Variants in TUSC7 observed in about 807,000 individuals in gnomAD.
The protein encoded by TUSC7 is tumor suppressor candidate 7.
chr3:116,716,001 A>T (rs188340850), intron 1 of TUSC7, among the ~76,000 whole-genome samples: 31 of 152,332 alleles, frequency 2.0e-4, no homozygotes, highest in Non-Finnish European at 3.7e-4. Context: ...TTTTGAAAAA[A>T]GTGCCCTGTG....
chr3:116,710,740 A>C (rs2107471011), intron 1 of TUSC7, among the ~76,000 whole-genome samples: 1 of 152,214 alleles, frequency 6.6e-6, no homozygotes, highest in Middle Eastern at 3.4e-3. Context: ...TTTAGGAGTA[A>C]ACCTTAGAGT....
intron 1 of TUSC7, among the ~76,000 whole-genome samples, chr3:116,714,437 T>C (rs2051488192): frequency 6.6e-6 from 1 of 152,234 alleles, no homozygotes; most frequent in Admixed American, 6.5e-5. Context: ...ATATAAGTTC[T>C]TGAGCAGTAC....
chr3:116,715,759 A>G (rs2051500001), intron 1 of TUSC7, among the ~76,000 whole-genome samples: 1 of 152,044 alleles, frequency 6.6e-6, no homozygotes, highest in African/African-American at 2.4e-5. Flanking sequence ...TTTTTTTCTC[A>G]GTCTGTGCCT....
intron 1 of TUSC7, among the ~76,000 whole-genome samples, chr3:116,714,355 A>G (rs1353838419): frequency 6.6e-6 from 1 of 152,196 alleles, no homozygotes; most frequent in East Asian, 1.9e-4. Flanking sequence ...CTGAAATTTT[A>G]TCATTAAAAC....
At chr3:116,712,195 T>G (rs2051467902) in intron 1 of TUSC7, among the ~76,000 whole-genome samples, 1 of 152,242 alleles carries the variant, frequency 6.6e-6, no homozygotes, top group African/African-American at 2.4e-5. Context: ...CTTATCTTAT[T>G]AAATGATGCA....
At chr3:116,714,981 C>A (rs559354689) in intron 1 of TUSC7, among the ~76,000 whole-genome samples, 1 of 152,288 alleles carries the variant, frequency 6.6e-6, no homozygotes, top group African/African-American at 2.4e-5. Flanking sequence ...CCTCTGTGTT[C>A]TGCATATTCA....
chr3:116,712,020 A>G (rs1044103388), intron 1 of TUSC7, among the ~76,000 whole-genome samples: 6 of 152,208 alleles, frequency 3.9e-5, no homozygotes, highest in African/African-American at 1.4e-4. Flanking sequence ...AGCATGGTAC[A>G]AGAAATATGT....
intron 1 of TUSC7, chr3:116,712,974 G>A (rs761116517): frequency 3.9e-5 from 6 of 152,120 alleles, no homozygotes; most frequent in Non-Finnish European, 7.4e-5. Flanking sequence ...CAAATTGACT[G>A]TATGTCATTA....
intron 1 of TUSC7, among the ~76,000 whole-genome samples, chr3:116,716,031 C>A (rs1353733295): frequency 6.6e-6 from 1 of 152,094 alleles, no homozygotes; most frequent in Non-Finnish European, 1.5e-5. Flanking sequence ...CCAGAAGGGG[C>A]AATTTGCCAT....
chr3:116,713,683 A>G (rs7615877), intron 1 of TUSC7, among the ~76,000 whole-genome samples: 80,552 of 152,146 alleles, frequency 0.53, 23,048 homozygotes, highest in East Asian at 0.68. Flanking sequence ...AAGCTAGACT[A>G]GGCCAGACTT....
intron 1 of TUSC7, among the ~76,000 whole-genome samples, chr3:116,714,540 C>T (rs1382179654): frequency 1.3e-5 from 2 of 152,166 alleles, no homozygotes; most frequent in Non-Finnish European, 2.9e-5. Flanking sequence ...AGAATCTGAA[C>T]TTCTAAAACA....
At chr3:116,715,742 G>A (rs1233693171) in intron 1 of TUSC7, among the ~76,000 whole-genome samples, 1 of 151,976 alleles carries the variant, frequency 6.6e-6, no homozygotes, top group Admixed American at 6.6e-5. Context: ...TGTATCTTTT[G>A]CAAATATTTT....
intron 1 of TUSC7, among the ~76,000 whole-genome samples, chr3:116,713,495 C>T (rs2051479372): frequency 6.6e-6 from 1 of 152,150 alleles, no homozygotes; most frequent in Non-Finnish European, 1.5e-5. Flanking sequence ...GTTTTGTTGC[C>T]TTCAACCACC....
chr3:116,710,665 C>G (rs1013051267), intron 1 of TUSC7, among the ~76,000 whole-genome samples: 17 of 152,118 alleles, frequency 1.1e-4, no homozygotes, highest in African/African-American at 4.1e-4. Context: ...CCATTCACTA[C>G]TCTGAAACTT....
intron 1 of TUSC7, among the ~76,000 whole-genome samples, chr3:116,714,853 T>C (rs1220652123): frequency 1.3e-5 from 2 of 152,130 alleles, no homozygotes; most frequent in Non-Finnish European, 2.9e-5. Context: ...ACAAAGTCCA[T>C]AGTTTGCATT....
intron 1 of TUSC7, chr3:116,709,977 G>A (rs2051449883): frequency 6.6e-6 from 1 of 152,236 alleles, no homozygotes; most frequent in East Asian, 1.9e-4. Flanking sequence ...AAGGGCCTCT[G>A]CTAATGGTGG....
rs2051453421 is a variant in TUSC7, at chr3:116,710,384, G to A, written n.98+508G>A. Reference sequence around the variant, plus strand: ...GACGGAGGAGAGAAAATGCCATGCAGAAGTGATAGTCAAGATGAAGATGTG... The same window carrying A: ...GACGGAGGAGAGAAAATGCCATGCAAAAGTGATAGTCAAGATGAAGATGTG... On this transcript the variant is annotated intron_variant and non_coding_transcript_variant, in intron 1 of 2. Coordinates refer to ENST00000477805, the Ensembl canonical transcript of TUSC7. 2.0e-5 allele frequency: 3 copies of A among 152,302 alleles called. 1 individual carries two copies. Among genetic ancestry groups the A allele is most frequent in the African/African-American group, 7.2e-5 (3 of 41,582 alleles). The allele number at this position is 152,302 out of a possible 1,614,324, so 9.4% of individuals were successfully genotyped here. A position where few individuals can be genotyped will look rare whatever the true frequency, so the allele number is the denominator to read the frequency against.
chr3:116,711,853 TCA>T (rs1276951330), intron 1 of TUSC7, among the ~76,000 whole-genome samples: 15 of 152,192 alleles, frequency 9.9e-5, no homozygotes, highest in Admixed American at 7.2e-4. Flanking sequence ...TAACAAATAT[TCA>T]CACTTTAACC....
At chr3:116,713,335 C>T (rs2051478268) in intron 1 of TUSC7, among the ~76,000 whole-genome samples, 1 of 152,194 alleles carries the variant, frequency 6.6e-6, no homozygotes, top group African/African-American at 2.4e-5. Flanking sequence ...CACTCCCTAA[C>T]TGTTAACAGC....
Sources: allele counts gnomAD v4.1 joint callset (sites outside exome capture counted in the v4.1 genomes callset), GRCh38; gene constraint gnomAD v4.1.1; transcripts MANE v1.5; gene names NCBI Gene and HGNC (gene_info 2026-07-23, HGNC 2026-07-21).